SLC24A3: variants seen among roughly 807,000 people sequenced by gnomAD.
SLC24A3 encodes the protein solute carrier family 24 member 3.
Under a neutral mutation model 75.8 loss-of-function variants are expected in SLC24A3, and 28 were observed. That is an observed-to-expected ratio of 0.37 (90% CI 0.27 to 0.51). SLC24A3 has a LOEUF of 0.51. Ranked by LOEUF, SLC24A3 falls within the 20% of genes least tolerant of loss-of-function variation. SLC24A3 has a pLI of 0.94. For missense variants in SLC24A3, 663 were observed against 847.8 expected (o/e 0.78, Z 2.71); for synonymous variants, 372 against 334.1 (o/e 1.11, Z -1.24).
chr20:19,237,653 C>T (rs544678405), intron 1 of SLC24A3, among the ~76,000 whole-genome samples: 16 of 152,228 alleles, frequency 1.1e-4, no homozygotes, highest in African/African-American at 2.9e-4. Flanking sequence ...TCTTCTCCTG[C>T]GTCGTCATTG....
At chr20:19,583,314 A>G (rs1306899581) in intron 4 of SLC24A3, among the ~76,000 whole-genome samples, 1 of 152,128 alleles carries the variant, frequency 6.6e-6, no homozygotes, top group Non-Finnish European at 1.5e-5. Flanking sequence ...TCAGTGGCCA[A>G]GTATTTTGAG....
chr20:19,698,885 T>C (rs946230718), intron 15 of SLC24A3, among the ~76,000 whole-genome samples: 1 of 152,192 alleles, frequency 6.6e-6, no homozygotes, highest in African/African-American at 2.4e-5. Flanking sequence ...CAGCAAACTT[T>C]TTCTGTCGAG....
intron 1 of SLC24A3, among the ~76,000 whole-genome samples, chr20:19,243,434 A>C (rs6136660): frequency 0.16 from 23,773 of 152,224 alleles, 3,478 homozygotes; most frequent in East Asian, 0.81. Context: ...GTTATTTTTG[A>C]ATCTCTGAGA....
chr20:19,608,174 G>A (rs536756948), intron 6 of SLC24A3, among the ~76,000 whole-genome samples: 7 of 152,148 alleles, frequency 4.6e-5, no homozygotes, highest in African/African-American at 7.2e-5. Flanking sequence ...GCAATCTTTC[G>A]GTTTTATCTT....
intron 6 of SLC24A3, among the ~76,000 whole-genome samples, chr20:19,638,589 G>C (rs1443997305): frequency 6.6e-6 from 1 of 152,194 alleles, no homozygotes; most frequent in East Asian, 1.9e-4. Context: ...ATGCCAGGCA[G>C]TGTTCTAAAC....
intron 2 of SLC24A3, among the ~76,000 whole-genome samples, chr20:19,319,202 T>G (rs1984650611): frequency 6.6e-6 from 1 of 152,232 alleles, no homozygotes; most frequent in Non-Finnish European, 1.5e-5. Context: ...AACCATGGAC[T>G]CTACTGTCCC....
At chr20:19,246,994 T>C (rs4140454) in intron 1 of SLC24A3, among the ~76,000 whole-genome samples, 22,721 of 152,254 alleles carry the variant, frequency 0.15, 2,988 homozygotes, top group East Asian at 0.74. Context: ...TTTTAATCAA[T>C]ATTTTATTTG....
At chr20:19,464,563 T>G (rs1987733275) in intron 2 of SLC24A3, among the ~76,000 whole-genome samples, 1 of 152,272 alleles carries the variant, frequency 6.6e-6, no homozygotes. Flanking sequence ...ACTCTTCGTA[T>G]TCTCACTCAT....
chr20:19,387,283 C>T lies in SLC24A3; in HGVS notation c.271+106196C>T, dbSNP rs116830741. Among the ~76,000 whole-genome samples the T allele has an allele frequency of 5.5e-3, 825 of 151,006 alleles. 9 individuals are homozygous for T. Among genetic ancestry groups the T allele is most frequent in the African/African-American group, 0.019 (798 of 41,182 alleles). Reference sequence around the variant, plus strand: ...AATTTTATTTATCTTTTTGAAAAACCAGCTTTTTGTTTTATGTATCTTTTT... The same window carrying T: ...AATTTTATTTATCTTTTTGAAAAACTAGCTTTTTGTTTTATGTATCTTTTT... On this transcript the variant is annotated intron_variant, in intron 2 of 16. Transcript: ENST00000328041.
chr20:19,665,965 G>T, intron 8 of SLC24A3, 76 bp downstream of exon 8: 1 of 1,497,300 alleles, frequency 6.7e-7, no homozygotes, highest in Non-Finnish European at 9.2e-7. Flanking sequence ...CCAGTGTTGG[G>T]ATTCAAGAAA....
intron 15 of SLC24A3, among the ~76,000 whole-genome samples, chr20:19,706,532 A>G (rs1214137232): frequency 6.6e-6 from 1 of 152,102 alleles, no homozygotes; most frequent in Non-Finnish European, 1.5e-5. Context: ...GAGCTTGTAG[A>G]ATACCAAGAT....
rs958903688 is a variant in SLC24A3, at chr20:19,322,655, A to G, written c.271+41568A>G. Among the ~76,000 whole-genome samples the G allele has an allele frequency of 2.0e-5, 3 of 152,122 alleles. 1 individual carries two copies. The highest frequency in any genetic ancestry group is 4.4e-5 in the Non-Finnish European group (3 of 68,024). On this transcript the variant is annotated intron_variant, in intron 2 of 16. Transcript: ENST00000328041. ...GTTAGGTTATAACAGTCTATCTTGT[A>G]ATTATCGAGCACTGGTCTTAAACAC...
intron 6 of SLC24A3, among the ~76,000 whole-genome samples, chr20:19,606,051 A>G (rs1408422438): frequency 6.6e-6 from 1 of 152,208 alleles, no homozygotes; most frequent in African/African-American, 2.4e-5. Flanking sequence ...GGCCAGCATG[A>G]GCAGCAAAGC....
chr20:19,674,583 C>T (rs1018997144), intron 9 of SLC24A3, among the ~76,000 whole-genome samples: 1 of 152,212 alleles, frequency 6.6e-6, no homozygotes, highest in Non-Finnish European at 1.5e-5. Flanking sequence ...AGAAGTCACA[C>T]GCCATTACTT....
chr20:19,358,738 A>G lies in SLC24A3; in HGVS notation c.271+77651A>G, dbSNP rs76418506. Among the ~76,000 whole-genome samples the G allele has an allele frequency of 9.1e-3, 1,391 of 152,314 alleles. 25 individuals are homozygous for G. The highest frequency in any genetic ancestry group is 0.031 in the African/African-American group (1,290 of 41,580). On this transcript the variant is annotated intron_variant, in intron 2 of 16. Transcript: ENST00000328041. ...ACCATCACAGAACTTTTACCACCCC[A>G]AGGGATATTCTGTATCCGTTAGCAG... is the stretch of plus-strand genomic sequence containing the variant.
At chr20:19,567,778 A>T (rs1019052432) in intron 3 of SLC24A3, among the ~76,000 whole-genome samples, 1 of 152,260 alleles carries the variant, frequency 6.6e-6, no homozygotes, top group African/African-American at 2.4e-5. Context: ...CTGAAAAAAT[A>T]AATTGGAATA....
intron 1 of SLC24A3, among the ~76,000 whole-genome samples, chr20:19,248,335 T>A (rs1207602531): frequency 6.6e-6 from 1 of 152,192 alleles, no homozygotes; most frequent in African/African-American, 2.4e-5. Flanking sequence ...CCATGTAAGC[T>A]GAAAATGTGC....
intron 7 of SLC24A3, among the ~76,000 whole-genome samples, chr20:19,654,574 G>A (rs1444921291): frequency 6.6e-6 from 1 of 151,076 alleles, no homozygotes; most frequent in African/African-American, 2.4e-5. Context: ...CTGAGGTCCA[G>A]TGGTGGATAA....
At chr20:19,223,813 T>G (rs1418348155) in intron 1 of SLC24A3, among the ~76,000 whole-genome samples, 5 of 152,156 alleles carry the variant, frequency 3.3e-5, no homozygotes, top group African/African-American at 1.2e-4. Flanking sequence ...CTGTTCACCT[T>G]GAACCCAGGC....
Sources: gnomAD v4.1 joint callset for allele counts (sites outside exome capture counted in the v4.1 genomes callset) on GRCh38, gnomAD v4.1.1 for gene constraint, MANE v1.5 for transcripts, NCBI Gene and HGNC (gene_info 2026-07-23, HGNC 2026-07-21) for gene names.